Variants in VASN observed in about 807,000 individuals in gnomAD.
The protein encoded by VASN is protein slit-like 2.
VASN carries 5 observed loss-of-function variants against 4.8 expected under a neutral mutation model. The ratio of observed to expected loss-of-function variants is 1.03; its 90% CI spans 0.54 to 2.17. The LOEUF is 2.17. VASN is among the 30% of genes most tolerant of loss of function. VASN has a pLI of 0.01. For missense variants in VASN, 927 were observed against 948.8 expected (o/e 0.98, Z 0.30); for synonymous variants, 499 against 460.8 (o/e 1.08, Z -1.06).
At position 4,371,851 on chromosome 16, in the gene VASN, T is replaced by TCCGGAG. The variant is rs1399997131; in HGVS notation, c.-149_-144dup. The TCCGGAG allele has an allele frequency of 4.6e-5, 7 of 151,936 alleles. No homozygotes were observed. The highest frequency in any genetic ancestry group is 1.2e-4 in the African/African-American group (5 of 41,338). The allele number at this position is 151,936 out of a possible 1,614,324, so 9.4% of individuals were successfully genotyped here. On this transcript the variant is annotated 5_prime_UTR_variant, in exon 1 of 2. Transcript: ENST00000304735. ...CGCGACCTGCCTCCAGCGAGCCGAC[T>TCCGGAG]CCGGAGCCCGAGCCCGGGGCGGGTG...
chr16:4,381,797 G>C lies in VASN; in HGVS notation c.920G>C (p.Ser307Thr). The change falls in exon 2 of 2, where the codon AGC becomes ACC. Residue 307 changes from serine (S) to threonine (T), a missense_variant. By Grantham distance (58) the Ser-to-Thr change is moderately conservative. Transcript: ENST00000304735. The part of the protein sequence containing the change: ...RNPFNCVCPL[S>T]WFGPWVRESH... ...CCCTTCAACTGCGTGTGCCCCCTGAGCTGGTTTGGCCCCTGGGTGCGCGAG... is the reference window on the plus strand; with the variant it reads ...CCCTTCAACTGCGTGTGCCCCCTGACCTGGTTTGGCCCCTGGGTGCGCGAG... 6.2e-7 allele frequency: 1 copy of C among 1,600,370 alleles called. No homozygotes were observed. The highest frequency in any genetic ancestry group is 1.1e-5 in the South Asian group (1 of 91,000).
At position 4,380,394 on chromosome 16, in the gene VASN, C is replaced by A. The variant is rs549444234; in HGVS notation, c.-9-475C>A. Among the ~76,000 whole-genome samples, 7 of 152,366 alleles carry A rather than the reference C, an allele frequency of 4.6e-5. No homozygotes were observed. The East Asian group carries it at 1.2e-3, about 25-fold the overall frequency. Reference sequence around the variant, plus strand: ...GCTGCATTCCCTCCTCCAAGGAGGGCGGGACACGGAGCGTGGCAGCAGGAG... The same window carrying A: ...GCTGCATTCCCTCCTCCAAGGAGGGAGGGACACGGAGCGTGGCAGCAGGAG... On this transcript the variant is annotated intron_variant, in intron 1 of 1. Transcript: ENST00000304735.
intron 1 of VASN, among the ~76,000 whole-genome samples, chr16:4,378,091 C>T (rs2054813590): frequency 6.6e-6 from 1 of 152,160 alleles, no homozygotes; most frequent in African/African-American, 2.4e-5. Context: ...GTGAAGAGCA[C>T]CCCCCAGCAC....
intron 1 of VASN, among the ~76,000 whole-genome samples, chr16:4,378,217 G>A (rs1471814192): frequency 6.6e-6 from 1 of 152,208 alleles, no homozygotes; most frequent in Non-Finnish European, 1.5e-5. Context: ...CGAGGTGTGA[G>A]AGCAAAGTCA....
In VASN at chr16:4,381,310, G is replaced by A. The variant is rs750301094; in HGVS notation, c.433G>A (p.Asp145Asn). ...RIRHIQPGAF[D>N]TLDRLLELKL... Reference sequence around the variant, plus strand: ...CCGCCACATCCAGCCTGGTGCCTTCGACACGCTCGACCGCCTCCTGGAGCT... The same window carrying A: ...CCGCCACATCCAGCCTGGTGCCTTCAACACGCTCGACCGCCTCCTGGAGCT... Residue 145 changes from aspartate to asparagine, a missense_variant, in exon 2 of 2, where the codon GAC becomes AAC. Transcript: ENST00000304735. The A allele has an allele frequency of 1.6e-5, 26 of 1,611,738 alleles. No homozygotes were observed. Among genetic ancestry groups the A allele is most frequent in the African/African-American group, 6.7e-5 (5 of 74,914 alleles).
At chr16:4,380,058 A>C (rs1298568712) in intron 1 of VASN, among the ~76,000 whole-genome samples, 1 of 131,648 alleles carries the variant, frequency 7.6e-6, no homozygotes, top group African/African-American at 2.8e-5. Context: ...ACTCCGTCTC[A>C]AAAAAAAAAA....
chr16:4,372,681 G>A (rs1000948203), intron 1 of VASN, among the ~76,000 whole-genome samples: 1 of 152,214 alleles, frequency 6.6e-6, no homozygotes, highest in Non-Finnish European at 1.5e-5. Context: ...GGCTGGCAGT[G>A]CTGGGGCCTG....
intron 1 of VASN, among the ~76,000 whole-genome samples, chr16:4,376,903 AG>A (rs1398820929): frequency 6.6e-6 from 1 of 152,166 alleles, no homozygotes; most frequent in East Asian, 1.9e-4. Context: ...CCTCTCCCTT[AG>A]TAGTACCCAC....
chr16:4,382,142 T>C lies in VASN; in HGVS notation c.1265T>C (p.Leu422Pro), dbSNP rs574738299. The C allele has an allele frequency of 1.1e-4, 170 of 1,591,744 alleles. No individual in the cohort carries two copies. The Admixed American group carries it at 2.8e-3, about 26-fold the overall frequency. The change falls in exon 2 of 2, where the codon CTG (leucine) becomes CCG (proline). Residue 422 changes from leucine to proline, a missense_variant. Physicochemically the swap from Leu to Pro is moderately conservative, Grantham distance 98. Transcript: ENST00000304735. ...TGCCTCAATGGGGGCACATGCCACC[T>C]GGGGACACGGCACCACCTGGCGTGC... ...STCLNGGTCH[L>P]GTRHHLACLC... is the part of the protein sequence containing the mutation.
rs991901693 is a variant in VASN at position 4,382,045 on chromosome 16, C to T, written c.1168C>T (p.Pro390Ser). 3 of 1,592,946 alleles carry T rather than the reference C, an allele frequency of 1.9e-6. No homozygotes were observed. The highest frequency in any genetic ancestry group is 2.2e-5 in the South Asian group (2 of 88,944). ...LSPTEPATEA[P>S]SPPSTAPPTV... Reference sequence around the variant, plus strand: ...CCCCACAGAGCCGGCCACTGAGGCCCCCAGCCCGCCCTCCACTGCCCCACC... The same window carrying T: ...CCCCACAGAGCCGGCCACTGAGGCCTCCAGCCCGCCCTCCACTGCCCCACC... The change falls in exon 2 of 2, where the codon CCC becomes TCC. Residue 390 changes from proline (P) to serine (S), a missense_variant. Physicochemically the swap from Pro to Ser is moderately conservative, Grantham distance 74. Transcript: ENST00000304735.
At position 4,383,368 on chromosome 16, in the gene VASN, A is replaced by T. The variant is rs2055073589; in HGVS notation, c.*469A>T. 5.8e-6 allele frequency: 1 copy of T among 172,980 alleles called. No homozygotes were observed. The highest frequency in any genetic ancestry group is 2.0e-4 in the South Asian group (1 of 4,892). The allele number at this position is 172,980 out of a possible 1,614,324, so 10.7% of individuals were successfully genotyped here. ...CTGGAAAGGAAGATGCTTTAGGAACATGTTTTGCTTTTTTAAAATATATAT... is the reference window on the plus strand; with the variant it reads ...CTGGAAAGGAAGATGCTTTAGGAACTTGTTTTGCTTTTTTAAAATATATAT... On this transcript the variant is annotated 3_prime_UTR_variant, in exon 2 of 2. Coordinates refer to ENST00000304735, the MANE Select transcript of VASN (RefSeq NM_138440.3).
rs774317442 is a variant in VASN at position 4,381,517 on chromosome 16, C to T, written c.640C>T (p.Arg214Cys). The T allele has an allele frequency of 1.0e-5, 16 of 1,598,764 alleles. No individual in the cohort carries two copies. Among genetic ancestry groups the T allele is most frequent in the African/African-American group, 2.7e-5 (2 of 74,586 alleles). ...GCAGCTGGACGAGGGGCTCTTCAGC[C>T]GCTTGCGCAACCTCCACGACCTGGA... is the stretch of plus-strand genomic sequence containing the variant. ...LQQLDEGLFS[R>C]LRNLHDLDVS... is the part of the protein sequence containing the mutation. Residue 214 changes from arginine to cysteine, a missense_variant, in exon 2 of 2, where the codon CGC becomes TGC. Transcript: ENST00000304735.
At chr16:4,372,225 T>C (rs2054561793) in intron 1 of VASN, among the ~76,000 whole-genome samples, 1 of 152,096 alleles carries the variant, frequency 6.6e-6, no homozygotes, top group Non-Finnish European at 1.5e-5. Flanking sequence ...CGCCTGAGTG[T>C]GCGGTGAGCC....
chr16:4,380,130 C>T (rs2054900485), intron 1 of VASN, among the ~76,000 whole-genome samples: 1 of 152,058 alleles, frequency 6.6e-6, no homozygotes, highest in African/African-American at 2.4e-5. Context: ...CCTGGGGCTG[C>T]CATGTAGCCA....
chr16:4,378,655 T>G (rs2141236895), intron 1 of VASN, among the ~76,000 whole-genome samples: 1 of 152,104 alleles, frequency 6.6e-6, no homozygotes, highest in Admixed American at 6.5e-5. Flanking sequence ...CAGGGACGCG[T>G]GCCTGGGGTT....
chr16:4,376,082 G>A (rs1179998878), intron 1 of VASN, among the ~76,000 whole-genome samples: 1 of 152,190 alleles, frequency 6.6e-6, no homozygotes, highest in Non-Finnish European at 1.5e-5. Flanking sequence ...CCAGCCAGGG[G>A]TCCCCGCGCC....
intron 1 of VASN, 140 bp from the exon 2 acceptor site, chr16:4,380,729 C>A: frequency 1.0e-6 from 1 of 967,758 alleles, no homozygotes. Context: ...GGTCGGGGCA[C>A]TGGCGACCTG....
At chr16:4,376,095 T>C (rs2054718882) in intron 1 of VASN, among the ~76,000 whole-genome samples, 1 of 152,128 alleles carries the variant, frequency 6.6e-6, no homozygotes, top group Non-Finnish European at 1.5e-5. Context: ...CCCGCGCCTA[T>C]AGGGAGGGTC....
intron 1 of VASN, among the ~76,000 whole-genome samples, chr16:4,374,901 T>A (rs937230410): frequency 6.6e-6 from 1 of 152,016 alleles, no homozygotes; most frequent in Admixed American, 6.6e-5. Context: ...CAGGGTTAAT[T>A]GCAGGTTAGG....
Sources: allele counts gnomAD v4.1 joint callset (sites outside exome capture counted in the v4.1 genomes callset), GRCh38; gene constraint gnomAD v4.1.1; transcripts MANE v1.5; gene names NCBI Gene and HGNC (gene_info 2026-07-23, HGNC 2026-07-21).